The following SH3TC1 variants were observed in gnomAD, a reference collection of about 807,000 sequenced individuals.
The protein encoded by SH3TC1 is SH3 domain and tetratricopeptide repeat-containing protein 1.
A neutral mutation model predicts 117.3 loss-of-function variants in SH3TC1; 135 were observed. That is an observed-to-expected ratio of 1.15 (90% CI 1.00 to 1.33). The LOEUF (loss-of-function observed/expected upper bound fraction) is 1.33, where lower values mean the gene tolerates loss of function less well. SH3TC1 is among the 40% of genes most tolerant of loss of function. The pLI is 0.00. For synonymous variants in SH3TC1, 898 were observed against 816.9 expected (o/e 1.10, Z -1.69); for missense variants, 2,092 against 1,794.3 (o/e 1.17, Z -3.00).
Position 8,227,711 on chromosome 4 carries a change from A to G in SH3TC1, c.2017A>G (p.Arg673Gly), listed in dbSNP as rs1720643594. The G allele has an allele frequency of 6.4e-7, 1 of 1,573,840 alleles. No individual in the cohort carries two copies. The change falls in exon 12 of 18, where the codon AGG becomes GGG. Residue 673 changes from arginine (R) to glycine (G), a missense_variant. Physicochemically the swap from Arg to Gly is moderately radical, Grantham distance 125 (BLOSUM62 -2). Transcript: ENST00000245105. ...AEARACFLLARHHVHLKQPEE... is the reference protein window; with the variant it reads ...AEARACFLLAGHHVHLKQPEE... ...GGCCCGGGCCTGCTTCCTGCTGGCC[A>G]GGCACCACGTGCACCTCAAGCAGCC...
intron 10 of SH3TC1, among the ~76,000 whole-genome samples, chr4:8,223,347 A>G (rs985221141): frequency 6.6e-6 from 1 of 152,240 alleles, no homozygotes; most frequent in Non-Finnish European, 1.5e-5. Context: ...TGCCTGGGTG[A>G]GAGTGACTTT....
At position 8,192,425 on chromosome 4, in the gene SH3TC1, A is replaced by G. The variant is rs1369514726; in HGVS notation, c.-57+10215A>G. ...GTAAGCCTGAAGGTTGTAAATTACA[A>G]TCTTCTTATCCAACCACTTGTCTTT... On this transcript the variant is annotated intron_variant, in intron 1 of 16. Coordinates refer to the SH3TC1 transcript ENST00000508641. The surrounding 1 kb of genome is among the most constrained non-coding windows in gnomAD (Gnocchi z 4.1). 6.6e-6 allele frequency among the ~76,000 whole-genome samples: 1 copy of G among 150,380 alleles called. No individual in the cohort carries two copies. The highest frequency in any genetic ancestry group is 1.5e-5 in the Non-Finnish European group (1 of 67,420).
rs1717130568 is a variant in SH3TC1, at chr4:8,183,326, C to T, written c.-57+1116C>T. On this transcript the variant is annotated intron_variant, in intron 1 of 16. Transcript: ENST00000508641. This position sits in a 1 kb window ranked among gnomAD's most constrained non-coding sequence, Gnocchi z 5.4. ...CAGGTCACGCCTGGGGCTAGGATGC[C>T]CTTCCAAAGCCCTGCCTCGGTTTCC... Among the ~76,000 whole-genome samples the T allele has an allele frequency of 6.6e-6, 1 of 152,188 alleles. No homozygotes were observed. Among genetic ancestry groups the T allele is most frequent in the Non-Finnish European group, 1.5e-5 (1 of 68,014 alleles).
At position 8,218,305 on chromosome 4, in the gene SH3TC1, G is replaced by A. The variant is rs1303421159; in HGVS notation, c.874G>A (p.Asp292Asn). Reference protein sequence around the residue: ...ALRIPQDPIDDAMGGPVMPGN... With the variant: ...ALRIPQDPIDNAMGGPVMPGN... ...TAGGATCCCCCAGGACCCCATCGAC[G>A]ATGCCATGGGTGGCCCTGTGATGCC... is the stretch of plus-strand genomic sequence containing the variant. Residue 292 changes from aspartate to asparagine, a missense_variant, in exon 8 of 18, where the codon GAT becomes AAT. Physicochemically the swap from Asp to Asn is conservative, Grantham distance 23. Coordinates refer to ENST00000245105, the MANE Select transcript of SH3TC1 (RefSeq NM_018986.5). 4 of 1,612,118 alleles carry A rather than the reference G, an allele frequency of 2.5e-6. No individual in the cohort carries two copies. The highest frequency in any genetic ancestry group is 2.2e-5 in the South Asian group (2 of 90,848).
At chr4:8,184,633 C>A (rs543246097) in intron 1 of SH3TC1, among the ~76,000 whole-genome samples, 1 of 152,282 alleles carries the variant, frequency 6.6e-6, no homozygotes, top group South Asian at 2.1e-4. Flanking sequence ...CCCGCCTCAG[C>A]CTCCCAAAGT....
chr4:8,224,556 C>T (rs1431563071), intron 10 of SH3TC1: 1 of 152,596 alleles, frequency 6.6e-6, no homozygotes, highest in Non-Finnish European at 1.5e-5. Flanking sequence ...TATCGCAGTT[C>T]ACAGCGCTTG....
Position 8,227,463 on chromosome 4 carries a change from T to C in SH3TC1, c.1769T>C (p.Leu590Pro), listed in dbSNP as rs1578720273. Residue 590 changes from leucine (L) to proline (P), a missense_variant, in exon 12 of 18, where the codon CTG becomes CCG. Physicochemically the swap from Leu to Pro is moderately conservative, Grantham distance 98. Coordinates refer to ENST00000245105, the MANE Select transcript of SH3TC1 (RefSeq NM_018986.5). ...RVYFEEALGA[L>P]EGSFGDLFLV... ...TACTTTGAGGAAGCGCTGGGGGCCC[T>C]GGAGGGCAGCTTCGGGGACCTGTTC... The C allele has an allele frequency of 1.9e-6, 3 of 1,565,420 alleles. No individual in the cohort carries two copies. The highest frequency in any genetic ancestry group is 2.2e-5 in the East Asian group (1 of 44,650).
rs1720578540 is a variant in SH3TC1, at chr4:8,227,398, G to C, written c.1704G>C (p.Arg568=). Residue 568 remains arginine (R), a synonymous_variant, in exon 12 of 18, where the codon CGG becomes CGC. Coordinates refer to ENST00000245105, the MANE Select transcript of SH3TC1 (RefSeq NM_018986.5). ...CCAGGCTCTGCTTCCTCCTGGGGCG[G>C]CTGTGCAGCAGGAGGCTCAAGCTGT... ...ALARLCFLLG[R]LCSRRLKLSQ... 4 of 1,551,402 alleles carry C rather than the reference G, an allele frequency of 2.6e-6. No individual in the cohort carries two copies. The highest frequency in any genetic ancestry group is 1.7e-6 in the Non-Finnish European group (2 of 1,149,932).
chr4:8,228,752 C>A, intron 12 of SH3TC1, 108 bp downstream of exon 12: 2 of 988,858 alleles, frequency 2.0e-6, no homozygotes, highest in Non-Finnish European at 2.9e-6. Context: ...ATCGAAAGTG[C>A]TGAGTCATGG....
intron 1 of SH3TC1, among the ~76,000 whole-genome samples, chr4:8,187,908 C>T (rs1717280291): frequency 1.3e-5 from 2 of 152,112 alleles, no homozygotes; most frequent in South Asian, 4.1e-4. Context: ...TGTTTTGTTG[C>T]TCACTTTGTC....
rs1223012652 is a variant in SH3TC1, at chr4:8,227,338, G to A, written c.1644G>A (p.Gly548=). 3 of 1,604,200 alleles carry A rather than the reference G, an allele frequency of 1.9e-6. No individual in the cohort carries two copies. Among genetic ancestry groups the A allele is most frequent in the African/African-American group, 1.3e-5 (1 of 74,614 alleles). The change falls in exon 12 of 18, where the codon GGG becomes GGA. Residue 548 remains glycine, a synonymous_variant. Transcript: ENST00000245105. ...CTGGGCGCCTGGCACAGGCCCGGGG[G>A]GCGGCCAAGAAAGCTGGCCTCCTCA... ...ELTGRLAQAR[G]AAKKAGLLMA...
chr4:8,205,246 G>A lies in SH3TC1; in HGVS notation c.52G>A (p.Gly18Ser). The A allele has an allele frequency of 3.2e-6, 5 of 1,550,174 alleles. No individual in the cohort carries two copies. Among genetic ancestry groups the A allele is most frequent in the South Asian group, 1.2e-5 (1 of 83,972 alleles). Residue 18 changes from glycine (G) to serine (S), a missense_variant, in exon 2 of 18, where the codon GGT becomes AGT. Transcript: ENST00000245105. This position sits in a 1 kb window ranked among gnomAD's most constrained non-coding sequence, Gnocchi z 5.4. The stretch of plus-strand genomic sequence containing the variant: ...TGAGGAGCCGACCCCCATGGGGAGG[G>A]GTCCTGTGGGACCCTCAGGAGGTGG... ...TTEEPTPMGR[G>S]PVGPSGGGST...
intron 1 of SH3TC1, among the ~76,000 whole-genome samples, chr4:8,203,677 A>G (rs1418146558): frequency 6.6e-6 from 1 of 152,098 alleles, no homozygotes; most frequent in African/African-American, 2.4e-5. Flanking sequence ...CCGCCCCTGC[A>G]AGACATTCTG....
At position 8,214,617 on chromosome 4, in the gene SH3TC1, C is replaced by A. The variant is rs368329845; in HGVS notation, c.481+37C>A. The A allele has an allele frequency of 2.6e-6, 4 of 1,550,514 alleles. No individual in the cohort carries two copies. In the African/African-American group the frequency reaches 5.4e-5, roughly 21 times the overall value. On this transcript the variant is annotated intron_variant, in intron 5 of 17. Transcript: ENST00000245105. Reference sequence around the variant, plus strand: ...ACCCTCCCAGAATTGGTCATGGGGACGCCCGTCGGAAGGTGCTGGTTACAC... The same window carrying A: ...ACCCTCCCAGAATTGGTCATGGGGAAGCCCGTCGGAAGGTGCTGGTTACAC...
At chr4:8,237,319 T>C in intron 16 of SH3TC1, 155 bp from the exon 17 acceptor site, 1 of 621,044 alleles carries the variant, frequency 1.6e-6, no homozygotes, top group Non-Finnish European at 2.6e-6. Flanking sequence ...AGTTCTGCTT[T>C]GTAGATGGGA....
At chr4:8,237,844 G>A (rs1326737070) in intron 17 of SH3TC1, among the ~76,000 whole-genome samples, 174 bp downstream of exon 17, 1 of 152,104 alleles carries the variant, frequency 6.6e-6, no homozygotes, top group African/African-American at 2.4e-5. Flanking sequence ...CCCAGCTCCC[G>A]AGCGGCCAGG....
chr4:8,213,461 A>G (rs1236155908), intron 4 of SH3TC1, among the ~76,000 whole-genome samples: 1 of 152,198 alleles, frequency 6.6e-6, no homozygotes, highest in Non-Finnish European at 1.5e-5. Context: ...CACACCAAGC[A>G]CCTGCAGGCT....
Position 8,183,971 on chromosome 4 carries a change from C to T in SH3TC1, c.-57+1761C>T, listed in dbSNP as rs573660176. On this transcript the variant is annotated intron_variant, in intron 1 of 16. Transcript: ENST00000508641. This position sits in a 1 kb window ranked among gnomAD's most constrained non-coding sequence, Gnocchi z 5.4. The stretch of plus-strand genomic sequence containing the variant: ...TTCACCATGTTGGCCAGGCTGGTCT[C>T]GAACTCCTGACCTCATGATCCGCCC... 2.0e-5 allele frequency among the ~76,000 whole-genome samples: 3 copies of T among 152,224 alleles called. No individual in the cohort carries two copies. Among genetic ancestry groups the T allele is most frequent in the East Asian group, 1.9e-4 (1 of 5,188 alleles).
At chr4:8,233,553 C>A in intron 14 of SH3TC1, 40 bp downstream of exon 14, 1 of 1,552,748 alleles carries the variant, frequency 6.4e-7, no homozygotes, top group South Asian at 1.2e-5. Context: ...TGCACATGTT[C>A]ACTCTCCATC....
Sources: allele counts gnomAD v4.1 joint callset (sites outside exome capture counted in the v4.1 genomes callset), GRCh38; gene constraint gnomAD v4.1.1; non-coding constraint Gnocchi (gnomAD v3.1); transcripts MANE v1.5; gene names NCBI Gene and HGNC (gene_info 2026-07-23, HGNC 2026-07-21).